The following NIM1K variants were observed in gnomAD, a reference collection of about 807,000 sequenced individuals.
NIM1K encodes serine/threonine-protein kinase NIM1.
In NIM1K, 35 loss-of-function variants were observed where a neutral mutation model predicts 37.1. The ratio of observed to expected loss-of-function variants is 0.94; its 90% CI spans 0.72 to 1.25. NIM1K has a LOEUF of 1.25. Among genes scored for constraint, NIM1K ranks in the 50% most tolerant of loss-of-function variants. The pLI is 0.00. For synonymous variants in NIM1K, 234 were observed against 206.6 expected (o/e 1.13, Z -1.14); for missense variants, 564 against 548.0 (o/e 1.03, Z -0.29).
rs1344547407 is a variant in NIM1K at position 43,277,295 on chromosome 5, C to T, written c.531C>T (p.Phe177=). Residue 177 remains phenylalanine, a synonymous_variant, in exon 3 of 4, where the codon TTC becomes TTT. Transcript: ENST00000326035. ...CTGAACCAGAAAGCAAGCTCATCTT[C>T]TCCCAGATTGTGTCTGCCGTGAAGC... is the stretch of plus-strand genomic sequence containing the variant. ...KLSEPESKLI[F]SQIVSAVKHM... The T allele has an allele frequency of 6.2e-7, 1 of 1,614,040 alleles. No homozygotes were observed. The highest frequency in any genetic ancestry group is 8.5e-7 in the Non-Finnish European group (1 of 1,179,980).
intron 1 of NIM1K, among the ~76,000 whole-genome samples, chr5:43,216,900 A>C (rs1163682456): frequency 6.6e-6 from 1 of 152,182 alleles, no homozygotes; most frequent in Non-Finnish European, 1.5e-5. Flanking sequence ...GAGCCGCTGG[A>C]TGGATGGTTT....
intron 1 of NIM1K, among the ~76,000 whole-genome samples, chr5:43,210,571 A>T (rs1466097947): frequency 6.6e-6 from 1 of 152,148 alleles, no homozygotes; most frequent in African/African-American, 2.4e-5. Flanking sequence ...TCACAGAGGG[A>T]CAGAGACTTG....
At chr5:43,270,393 G>C (rs57770608) in intron 2 of NIM1K, among the ~76,000 whole-genome samples, 4,874 of 152,256 alleles carry the variant, frequency 0.032, 288 homozygotes, top group African/African-American at 0.11. Context: ...ATAGGAGTAG[G>C]AATTGTTTAT....
chr5:43,206,965 C>T (rs773469807), intron 1 of NIM1K: 53 of 761,480 alleles, frequency 7.0e-5, no homozygotes, highest in Non-Finnish European at 1.0e-4. Context: ...AAGAGATCGA[C>T]GGTATTTTGA....
chr5:43,239,246 A>G (rs1561083381), intron 1 of NIM1K, among the ~76,000 whole-genome samples: 1 of 151,672 alleles, frequency 6.6e-6, no homozygotes, highest in Non-Finnish European at 1.5e-5. Context: ...TTATTTATTT[A>G]TTTTTTTAAG....
chr5:43,218,281 G>A (rs1049042418), intron 1 of NIM1K, among the ~76,000 whole-genome samples: 18 of 152,172 alleles, frequency 1.2e-4, no homozygotes, highest in African/African-American at 4.1e-4. Context: ...AAAGTGCTGG[G>A]ATTACAGGCG....
chr5:43,277,340 C>T lies in NIM1K; in HGVS notation c.561+15C>T, dbSNP rs532432280. 1.6e-5 allele frequency: 25 copies of T among 1,608,932 alleles called. No homozygotes were observed. The highest frequency in any genetic ancestry group is 8.0e-5 in the African/African-American group (6 of 74,952). On this transcript the variant is annotated intron_variant, in intron 3 of 3. Transcript: ENST00000326035. ...TGAAGCACATGGTGAGCAGGGGTGACGAGTGAGAACCTTGCTCCCATTGCA... is the reference window on the plus strand; with the variant it reads ...TGAAGCACATGGTGAGCAGGGGTGATGAGTGAGAACCTTGCTCCCATTGCA...
intron 2 of NIM1K, among the ~76,000 whole-genome samples, chr5:43,253,213 TGTGTGTGTGTGTG>T (rs1561088055): frequency 3.1e-4 from 19 of 60,354 alleles, no homozygotes; most frequent in African/African-American, 8.3e-4. Context: ...ATATAATATA[TGTGTGTGTGTGTG>T]TGTGTGTGTG....
At chr5:43,209,269 G>A (rs1468405787) in intron 1 of NIM1K, among the ~76,000 whole-genome samples, 1 of 152,120 alleles carries the variant, frequency 6.6e-6, no homozygotes, top group African/African-American at 2.4e-5. Context: ...CCTTAAGAAT[G>A]TCTACCCGCA....
intron 1 of NIM1K, among the ~76,000 whole-genome samples, chr5:43,231,470 G>A (rs967010617): frequency 3.3e-5 from 5 of 152,032 alleles, no homozygotes; most frequent in African/African-American, 7.3e-5. Flanking sequence ...ATATTGAATC[G>A]TTTACCTTTT....
intron 1 of NIM1K, among the ~76,000 whole-genome samples, chr5:43,194,076 A>C (rs1407221815): frequency 6.6e-6 from 1 of 152,170 alleles, no homozygotes; most frequent in East Asian, 1.9e-4. Context: ...CAGCAAGTTA[A>C]ATGGCCCCAA....
intron 2 of NIM1K, among the ~76,000 whole-genome samples, chr5:43,264,141 G>A (rs149159813): frequency 6.6e-6 from 1 of 152,128 alleles, no homozygotes; most frequent in Non-Finnish European, 1.5e-5. Context: ...TTAGGTCTGC[G>A]TGGTGCAGAG....
intron 3 of NIM1K, among the ~76,000 whole-genome samples, chr5:43,277,815 T>TGTGAGAGA (rs532526440): frequency 1.3e-4 from 17 of 128,946 alleles, no homozygotes; most frequent in African/African-American, 3.5e-4. Flanking sequence ...TGTGTGTGTG[T>TGTGAGAGA]GAGAGAGAGA....
intron 1 of NIM1K, among the ~76,000 whole-genome samples, chr5:43,237,402 T>C (rs1000887061): frequency 6.6e-6 from 1 of 152,232 alleles, no homozygotes; most frequent in Non-Finnish European, 1.5e-5. Flanking sequence ...TCTGCAGTGA[T>C]GTGACTCCAT....
At chr5:43,240,369 C>T (rs532858109) in intron 1 of NIM1K, 1 of 151,438 alleles carries the variant, frequency 6.6e-6, no homozygotes, top group Non-Finnish European at 1.5e-5. Context: ...GCCACCACAA[C>T]CAGCCTATTT....
In NIM1K at chr5:43,275,782, G is replaced by T. The variant is rs150148858; in HGVS notation, c.293-1275G>T. ...TGTTCATCCTAGGACAAGTGTTGCA[G>T]AGGCTTCCTGAAGAGGTTCATTCTG... On this transcript the variant is annotated intron_variant, in intron 2 of 3. Coordinates refer to ENST00000326035, the MANE Select transcript of NIM1K (RefSeq NM_153361.4). Among the ~76,000 whole-genome samples, 505 of 152,254 alleles carry T rather than the reference G, an allele frequency of 3.3e-3. 2 individuals are homozygous for T. Among genetic ancestry groups the T allele is most frequent in the African/African-American group, 0.012 (488 of 41,552 alleles).
At chr5:43,215,675 CTG>C in intron 1 of NIM1K, among the ~76,000 whole-genome samples, 1 of 152,224 alleles carries the variant, frequency 6.6e-6, no homozygotes, top group African/African-American at 2.4e-5. Flanking sequence ...CGCAAGTGAT[CTG>C]CCCACCTGGG....
chr5:43,207,626 A>G (rs773318275), intron 1 of NIM1K: 103 of 629,360 alleles, frequency 1.6e-4, no homozygotes, highest in Admixed American at 2.8e-4. Context: ...GAAATACTTT[A>G]CACAGGGGAA....
intron 2 of NIM1K, among the ~76,000 whole-genome samples, chr5:43,249,180 C>T (rs544088150): frequency 1.3e-5 from 2 of 152,126 alleles, no homozygotes; most frequent in East Asian, 3.9e-4. Flanking sequence ...TGCCATTCTC[C>T]TGCCTCAGCT....
Sources: allele counts gnomAD v4.1 joint callset (sites outside exome capture counted in the v4.1 genomes callset), GRCh38; gene constraint gnomAD v4.1.1; transcripts MANE v1.5; gene names NCBI Gene and HGNC (gene_info 2026-07-23, HGNC 2026-07-21).